SCOC: variants seen among roughly 807,000 people sequenced by gnomAD.
The protein encoded by SCOC is short coiled-coil protein, also known as short coiled coil protein.
In SCOC, 7 loss-of-function variants were observed where a neutral mutation model predicts 9.9. The ratio of observed to expected loss-of-function variants is 0.71; its 90% CI spans 0.40 to 1.33. SCOC has a LOEUF of 1.33. SCOC is among the 40% of genes most tolerant of loss of function. The probability of loss-of-function intolerance (pLI) is 0.01; values close to 1 mark genes in which losing one functional copy is unlikely to be tolerated. For missense variants in SCOC, 66 were observed against 89.7 expected, an observed-to-expected ratio of 0.74 and a Z score of 1.07; for synonymous variants, 19 against 28.2, an observed-to-expected ratio of 0.67 and a Z score of 1.03.
At chr4:140,283,459 AT>A (rs568522560) in intron 1 of SCOC, among the ~76,000 whole-genome samples, 123 of 149,478 alleles carry the variant, frequency 8.2e-4, no homozygotes, top group East Asian at 7.0e-3. Flanking sequence ...CACTACAAGC[AT>A]TTTTTTTTTA....
At chr4:140,283,291 C>T (rs985313770) in intron 1 of SCOC, among the ~76,000 whole-genome samples, 3 of 152,168 alleles carry the variant, frequency 2.0e-5, no homozygotes, top group Non-Finnish European at 4.4e-5. Context: ...AGACCAGCTG[C>T]TCAATTGATC....
chr4:140,372,377 A>G (rs1022829680), upstream of SCOC, among the ~76,000 whole-genome samples: 1 of 152,240 alleles, frequency 6.6e-6, no homozygotes, highest in Non-Finnish European at 1.5e-5. Context: ...ACCGTTGCAT[A>G]GAATTCTTAT....
chr4:140,365,075 T>G (rs865980068), intron 2 of SCOC, among the ~76,000 whole-genome samples: 21 of 150,422 alleles, frequency 1.4e-4, no homozygotes, highest in African/African-American at 4.9e-4. Context: ...ATTGAAATAA[T>G]AAATTCCTGC....
chr4:140,285,465 A>T (rs2126422544), intron 1 of SCOC, among the ~76,000 whole-genome samples: 1 of 152,328 alleles, frequency 6.6e-6, no homozygotes, highest in South Asian at 2.1e-4. Context: ...CCAGTATCTC[A>T]AAGACAAAGA....
At chr4:140,294,507 A>G (rs939343211) in intron 1 of SCOC, among the ~76,000 whole-genome samples, 1 of 152,188 alleles carries the variant, frequency 6.6e-6, no homozygotes, top group Admixed American at 6.5e-5. Flanking sequence ...TTTTGTGGGT[A>G]CAAACAATTG....
At chr4:140,310,715 T>G (rs1191289614) in intron 1 of SCOC, among the ~76,000 whole-genome samples, 4 of 152,186 alleles carry the variant, frequency 2.6e-5, no homozygotes, top group African/African-American at 9.7e-5. Flanking sequence ...CCTGGTGAAG[T>G]GGGGAGTTTC....
At chr4:140,362,299 C>CTTCTTCTTCTTTTTTT (rs367795160) in intron 2 of SCOC, among the ~76,000 whole-genome samples, 2 of 38,376 alleles carry the variant, frequency 5.2e-5, no homozygotes, top group African/African-American at 1.5e-4. Flanking sequence ...TCTTCTTCTT[C>CTTCTTCTTCTTTTTTT]TTTTTTTTTT....
intron 2 of SCOC, among the ~76,000 whole-genome samples, chr4:140,363,914 T>C (rs1456485119): frequency 1.3e-5 from 2 of 152,170 alleles, no homozygotes; most frequent in Non-Finnish European, 2.9e-5. Context: ...CTGGAAGTGC[T>C]CCCAAGAAGC....
chr4:140,372,102 G>A (rs1279002192), upstream of SCOC, among the ~76,000 whole-genome samples: 1 of 152,206 alleles, frequency 6.6e-6, no homozygotes. Context: ...ACTGCCAGAG[G>A]ATGAGGGGAA....
chr4:140,284,233 A>ATAAT (rs1376599283), intron 1 of SCOC: 6 of 35,516 alleles, frequency 1.7e-4, no homozygotes, highest in African/African-American at 6.6e-4. Flanking sequence ...GTCACAGGAA[A>ATAAT]TAATAATTAA....
intron 2 of SCOC, among the ~76,000 whole-genome samples, chr4:140,367,550 T>G (rs1030397045): frequency 8.5e-5 from 13 of 152,164 alleles, no homozygotes; most frequent in Admixed American, 6.5e-4. Context: ...TGGCTAATTT[T>G]TGTATTTTTA....
At chr4:140,367,406 G>T (rs1289221278) in intron 2 of SCOC, among the ~76,000 whole-genome samples, 1 of 151,686 alleles carries the variant, frequency 6.6e-6, no homozygotes, top group African/African-American at 2.4e-5. Flanking sequence ...TTGAGATGGA[G>T]TCTTGCTGTG....
intron 1 of SCOC, among the ~76,000 whole-genome samples, chr4:140,279,012 G>A (rs905085682): frequency 1.3e-5 from 2 of 152,046 alleles, no homozygotes; most frequent in Non-Finnish European, 2.9e-5. Context: ...TGTGTAGTTT[G>A]GCCCTACTTA....
intron 2 of SCOC, among the ~76,000 whole-genome samples, chr4:140,344,321 G>C (rs988769342): frequency 1.3e-5 from 2 of 152,092 alleles, no homozygotes; most frequent in African/African-American, 2.4e-5. Flanking sequence ...CCTTGGGTGT[G>C]TGTGGGGTGT....
upstream of SCOC, among the ~76,000 whole-genome samples, chr4:140,339,330 G>C (rs76188430): frequency 0.79 from 120,140 of 151,546 alleles, 47,814 homozygotes; most frequent in Non-Finnish European, 0.82. Flanking sequence ...AATGTTGGAC[G>C]TAAAACCATA....
chr4:140,338,336 A>T (rs1008183607), intron 1 of SCOC, among the ~76,000 whole-genome samples: 10 of 152,202 alleles, frequency 6.6e-5, no homozygotes, highest in Non-Finnish European at 1.3e-4. Flanking sequence ...ACCCACAACC[A>T]ATATCATACT....
At chr4:140,378,502 A>G (rs1163313733) in intron 1 of SCOC, among the ~76,000 whole-genome samples, 2 of 152,124 alleles carry the variant, frequency 1.3e-5, no homozygotes, top group African/African-American at 2.4e-5. Flanking sequence ...GGCTGAGGAA[A>G]GAGGATTGCT....
At chr4:140,300,667 C>T (rs1255152474) in intron 1 of SCOC, among the ~76,000 whole-genome samples, 1 of 152,184 alleles carries the variant, frequency 6.6e-6, no homozygotes, top group Non-Finnish European at 1.5e-5. Flanking sequence ...ATTGTTCAAG[C>T]CAAGCCCAGG....
At chr4:140,264,459 C>T (rs772083037) in intron 1 of SCOC, among the ~76,000 whole-genome samples, 5 of 152,116 alleles carry the variant, frequency 3.3e-5, no homozygotes, top group Non-Finnish European at 7.3e-5. Flanking sequence ...GACCTTCATA[C>T]GTATAAAGAT....
Sources: allele counts gnomAD v4.1 joint callset (sites outside exome capture counted in the v4.1 genomes callset), GRCh38; gene constraint gnomAD v4.1.1; transcripts MANE v1.5; gene names NCBI Gene and HGNC (gene_info 2026-07-23, HGNC 2026-07-21).